The following SPATA17 variants were observed in gnomAD, a reference collection of about 807,000 sequenced individuals.
SPATA17 encodes spermatogenesis-associated protein 17.
In SPATA17, 53 loss-of-function variants were observed where a neutral mutation model predicts 62.2. The ratio of observed to expected loss-of-function variants is 0.85; its 90% CI spans 0.68 to 1.07. SPATA17 has a LOEUF of 1.07. Among genes scored for constraint, SPATA17 ranks in the 50% least tolerant of loss-of-function variants. The pLI is 0.00. For synonymous variants in SPATA17, 146 were observed against 146.8 expected, an observed-to-expected ratio of 0.99 and a Z score of 0.04; for missense variants, 466 against 425.5, an observed-to-expected ratio of 1.10 and a Z score of -0.84.
At position 217,680,927 on chromosome 1, in the gene SPATA17, A is replaced by AC. The variant is rs1192262974; in HGVS notation, c.292-2331_292-2330insC. ...GTGACAGAGTGAGACTCTGTTAAAAAAAAAAAAAAAAAAAAAAAAGGCTGG... is the reference window on the plus strand; with the variant it reads ...GTGACAGAGTGAGACTCTGTTAAAAACAAAAAAAAAAAAAAAAAAAGGCTGG... On this transcript the variant is annotated intron_variant, in intron 4 of 10. Transcript: ENST00000366933. 7.1e-5 allele frequency among the ~76,000 whole-genome samples: 10 copies of AC among 139,990 alleles called. No homozygotes were observed. In the East Asian group the frequency reaches 1.7e-3, roughly 23 times the overall value. The allele number at this position is 139,990 out of a possible 152,430, so 91.8% of individuals were successfully genotyped here. A position where few individuals can be genotyped will look rare whatever the true frequency, so the allele number is the denominator to read the frequency against.
At chr1:217,754,683 C>A (rs1378094585) in intron 6 of SPATA17, among the ~76,000 whole-genome samples, 1 of 152,084 alleles carries the variant, frequency 6.6e-6, no homozygotes, top group East Asian at 1.9e-4. Flanking sequence ...GATATTTAAT[C>A]CACTCTTTTA....
intron 5 of SPATA17, among the ~76,000 whole-genome samples, chr1:217,697,198 G>T (rs1298287368): frequency 6.6e-6 from 1 of 152,008 alleles, no homozygotes; most frequent in Non-Finnish European, 1.5e-5. Flanking sequence ...AGAGGCTGGT[G>T]TTGAACTCCT....
rs201093221 is a variant in SPATA17, at chr1:217,676,969, C to T, written c.292-6289C>T. On this transcript the variant is annotated intron_variant, in intron 4 of 10. Transcript: ENST00000366933. Reference sequence around the variant, plus strand: ...CTGTTATTTATCAATCACCTATACTCGCTTAGTGAAATTCCACTGGAATCT... The same window carrying T: ...CTGTTATTTATCAATCACCTATACTTGCTTAGTGAAATTCCACTGGAATCT... Among the ~76,000 whole-genome samples the T allele has an allele frequency of 6.6e-5, 10 of 152,246 alleles. No homozygotes were observed. In the East Asian group the frequency reaches 7.7e-4, roughly 12 times the overall value.
rs541175110 is a variant in SPATA17 at position 217,790,565 on chromosome 1, T to C, written c.872+8243T>C. On this transcript the variant is annotated intron_variant, in intron 8 of 10. Transcript: ENST00000366933. The stretch of plus-strand genomic sequence containing the variant: ...ACGCCATTCTCCTGCCTCAGCCTCC[T>C]GAGTAGCTGGGACTACAGGCGTCCG... Among the ~76,000 whole-genome samples the C allele has an allele frequency of 3.2e-4, 48 of 152,168 alleles. No homozygotes were observed. In the Middle Eastern group the frequency reaches 0.01, roughly 32 times the overall value.
At chr1:217,708,255 G>A (rs1490633056) in intron 5 of SPATA17, among the ~76,000 whole-genome samples, 7 of 151,990 alleles carry the variant, frequency 4.6e-5, no homozygotes, top group African/African-American at 1.7e-4. Context: ...AAAGATCAAC[G>A]AATTCATGAG....
At chr1:217,651,220 A>G (rs1670306559) in intron 3 of SPATA17, 42 bp downstream of exon 3, 2 of 1,432,144 alleles carry the variant, frequency 1.4e-6, no homozygotes, top group Non-Finnish European at 1.9e-6. Flanking sequence ...GAATTGTACA[A>G]TATGCTGTAA....
chr1:217,725,607 C>T (rs949890772), intron 5 of SPATA17, among the ~76,000 whole-genome samples: 1 of 152,194 alleles, frequency 6.6e-6, no homozygotes, highest in Admixed American at 6.5e-5. Flanking sequence ...GTATTACGGG[C>T]CTGCACCACC....
At chr1:217,675,355 A>C (rs575395883) in intron 4 of SPATA17, among the ~76,000 whole-genome samples, 1 of 152,166 alleles carries the variant, frequency 6.6e-6, no homozygotes, top group Non-Finnish European at 1.5e-5. Flanking sequence ...ATGTTTGTAA[A>C]TTCAAAAGAC....
intron 5 of SPATA17, among the ~76,000 whole-genome samples, chr1:217,722,928 C>T (rs186926099): frequency 7.9e-5 from 12 of 152,218 alleles, no homozygotes; most frequent in African/African-American, 2.9e-4. Flanking sequence ...GGTTACCAGT[C>T]ATTGCGCACA....
At chr1:217,660,557 G>A (rs932874914) in intron 3 of SPATA17, among the ~76,000 whole-genome samples, 4 of 152,174 alleles carry the variant, frequency 2.6e-5, no homozygotes, top group African/African-American at 9.7e-5. Flanking sequence ...TCATAAAAAG[G>A]ATGATTCATA....
chr1:217,637,884 A>C (rs2102875030), intron 1 of SPATA17, among the ~76,000 whole-genome samples: 1 of 152,262 alleles, frequency 6.6e-6, no homozygotes, highest in Middle Eastern at 3.4e-3. Flanking sequence ...TTTAGGCTTA[A>C]ATGTAAACTT....
At chr1:217,714,293 G>A (rs1671945526) in intron 5 of SPATA17, among the ~76,000 whole-genome samples, 1 of 151,760 alleles carries the variant, frequency 6.6e-6, no homozygotes, top group South Asian at 2.1e-4. Context: ...GGAAGTTGAT[G>A]CAGGAGAATG....
At chr1:217,702,254 A>G (rs1671615484) in intron 5 of SPATA17, among the ~76,000 whole-genome samples, 1 of 152,142 alleles carries the variant, frequency 6.6e-6, no homozygotes, top group South Asian at 2.1e-4. Flanking sequence ...TTTATTGATT[A>G]CTTGAACTTA....
intron 5 of SPATA17, among the ~76,000 whole-genome samples, chr1:217,728,164 G>A (rs1321921240): frequency 1.3e-5 from 2 of 152,030 alleles, no homozygotes; most frequent in Non-Finnish European, 2.9e-5. Context: ...TACTACAGAG[G>A]TAATGGAAGA....
intron 9 of SPATA17, among the ~76,000 whole-genome samples, chr1:217,824,810 G>C (rs1352497646): frequency 6.6e-6 from 1 of 150,898 alleles, no homozygotes; most frequent in Non-Finnish European, 1.5e-5. Context: ...AATAATATAT[G>C]TTAGAAAGAA....
chr1:217,734,703 C>T (rs575205592), intron 5 of SPATA17, among the ~76,000 whole-genome samples: 1 of 152,216 alleles, frequency 6.6e-6, no homozygotes, highest in East Asian at 1.9e-4. Flanking sequence ...GACTCTGCAG[C>T]TTTAGGAATT....
At chr1:217,795,349 C>CA (rs1027598063) in intron 8 of SPATA17, among the ~76,000 whole-genome samples, 4 of 138,052 alleles carry the variant, frequency 2.9e-5, no homozygotes, top group African/African-American at 1.1e-4. Context: ...GTGAGCAAGA[C>CA]AGACAAAAGT....
intron 8 of SPATA17, among the ~76,000 whole-genome samples, chr1:217,795,700 G>A (rs1251610019): frequency 6.6e-6 from 1 of 151,824 alleles, no homozygotes; most frequent in Non-Finnish European, 1.5e-5. Flanking sequence ...TGGAGCAAAT[G>A]GCCTAGTTGG....
chr1:217,635,360 G>A (rs1669913631), intron 1 of SPATA17, among the ~76,000 whole-genome samples: 1 of 152,118 alleles, frequency 6.6e-6, no homozygotes, highest in Non-Finnish European at 1.5e-5. Context: ...ATACAGGTAA[G>A]GTTTATATTA....
Sources: gnomAD v4.1 joint callset for allele counts (sites outside exome capture counted in the v4.1 genomes callset) on GRCh38, gnomAD v4.1.1 for gene constraint, MANE v1.5 for transcripts, NCBI Gene and HGNC (gene_info 2026-07-23, HGNC 2026-07-21) for gene names.